RNF212: variants seen among roughly 807,000 people sequenced by gnomAD.
RNF212 encodes the protein probable E3 SUMO-protein ligase RNF212.
In RNF212, 33 loss-of-function variants were observed where a neutral mutation model predicts 34.7. That is an observed-to-expected ratio of 0.95 (90% confidence interval 0.72 to 1.27). The LOEUF (loss-of-function observed/expected upper bound fraction) is 1.27, where lower values mean the gene tolerates loss of function less well. Among genes scored for constraint, RNF212 ranks in the 50% most tolerant of loss-of-function variants. RNF212 has a pLI of 0.00. For synonymous variants in RNF212, 140 were observed against 136.1 expected, an observed-to-expected ratio of 1.03 and a Z score of -0.20; for missense variants, 377 against 362.2, an observed-to-expected ratio of 1.04 and a Z score of -0.33.
chr4:1,105,316 G>A (rs1724639877), intron 2 of RNF212, among the ~76,000 whole-genome samples: 1 of 152,134 alleles, frequency 6.6e-6, no homozygotes, highest in African/African-American at 2.4e-5. Flanking sequence ...CTTCCTGGCG[G>A]CCCAGCCACC....
chr4:1,109,220 C>A (rs1577842400), intron 1 of RNF212, among the ~76,000 whole-genome samples: 2 of 152,268 alleles, frequency 1.3e-5, no homozygotes, highest in African/African-American at 4.8e-5. Flanking sequence ...GTTGGCCAGG[C>A]TGGTCTTGAA....
chr4:1,058,005 G>A (rs965291714), intron 4 of RNF212, among the ~76,000 whole-genome samples: 4 of 151,724 alleles, frequency 2.6e-5, no homozygotes, highest in African/African-American at 9.7e-5. Flanking sequence ...AGGTTGCGGT[G>A]AGCCAAGATG....
chr4:1,073,483 G>A, intron 9 of RNF212, 116 bp downstream of exon 9: 1 of 850,690 alleles, frequency 1.2e-6, no homozygotes, highest in Non-Finnish European at 1.9e-6. Context: ...TGCACCGGGT[G>A]GAAGGACAGC....
chr4:1,072,784 G>A lies in RNF212; in HGVS notation c.*90C>T. On this transcript the variant is annotated 3_prime_UTR_variant, in exon 10 of 10. Coordinates refer to ENST00000433731, the MANE Select transcript of RNF212 (RefSeq NM_001131034.4). ...GCACACTGAGGGCTTCCACATAAAT[G>A]ACAAAGGAATAAAGCAGATAATTTG... 1 of 1,466,724 alleles carries A rather than the reference G, an allele frequency of 6.8e-7. No individual in the cohort carries two copies. The allele number at this position is 1,466,724 out of a possible 1,614,324, so 90.9% of individuals were successfully genotyped here.
At chr4:1,080,321 T>C (rs1179723858) in intron 7 of RNF212, among the ~76,000 whole-genome samples, 1 of 152,102 alleles carries the variant, frequency 6.6e-6, no homozygotes, top group Non-Finnish European at 1.5e-5. Context: ...GAATTCTAAT[T>C]TTAGGTGGCC....
rs113406672 is a variant in RNF212, at chr4:1,094,631, G to A, written c.246+2134C>T. Among the ~76,000 whole-genome samples, 285 of 152,310 alleles carry A rather than the reference G, an allele frequency of 1.9e-3. 2 individuals are homozygous for A. The highest frequency in any genetic ancestry group is 0.014 in the Middle Eastern group (4 of 294). On this transcript the variant is annotated intron_variant, in intron 3 of 9. Coordinates refer to ENST00000433731, the MANE Select transcript of RNF212 (RefSeq NM_001131034.4). ...CAGCAGGGGCTCAGCTGCCAGAAGGGGGGCCCACGGAGCCAGCATTGCCAT... is the reference window on the plus strand; with the variant it reads ...CAGCAGGGGCTCAGCTGCCAGAAGGAGGGCCCACGGAGCCAGCATTGCCAT...
At chr4:1,099,179 G>A (rs1723533347) in intron 2 of RNF212, among the ~76,000 whole-genome samples, 1 of 152,214 alleles carries the variant, frequency 6.6e-6, no homozygotes, top group Non-Finnish European at 1.5e-5. Context: ...CCGGCGATAA[G>A]CCAGGTGCCG....
At chr4:1,060,302 G>A (rs1717667520) in intron 3 of RNF212, among the ~76,000 whole-genome samples, 1 of 152,234 alleles carries the variant, frequency 6.6e-6, no homozygotes, top group African/African-American at 2.4e-5. Context: ...AGCCCGCTGT[G>A]TGTCCCACAG....
At chr4:1,109,281 T>C (rs1233118405) in intron 1 of RNF212, among the ~76,000 whole-genome samples, 1 of 152,246 alleles carries the variant, frequency 6.6e-6, no homozygotes, top group African/African-American at 2.4e-5. Flanking sequence ...GTGCTGGGAT[T>C]ATAGGCATGA....
chr4:1,072,807 T>C lies in RNF212; in HGVS notation c.*67A>G. On this transcript the variant is annotated 3_prime_UTR_variant, in exon 10 of 10. Coordinates refer to ENST00000433731, the MANE Select transcript of RNF212 (RefSeq NM_001131034.4). ...ATGACAAAGGAATAAAGCAGATAAT[T>C]TGTAGAAAAAACACAGAGGAATAAA... is the stretch of plus-strand genomic sequence containing the variant. The C allele has an allele frequency of 6.7e-7, 1 of 1,493,370 alleles. No homozygotes were observed. Among genetic ancestry groups the C allele is most frequent in the Non-Finnish European group, 8.9e-7 (1 of 1,117,854 alleles). The allele number at this position is 1,493,370 out of a possible 1,614,324, so 92.5% of individuals were successfully genotyped here.
At position 1,072,766 on chromosome 4, in the gene RNF212, G is replaced by A; in HGVS notation, c.*108C>T. 1 of 1,456,744 alleles carries A rather than the reference G, an allele frequency of 6.9e-7. No individual in the cohort carries two copies. Among genetic ancestry groups the A allele is most frequent in the East Asian group, 2.5e-5 (1 of 40,240 alleles). The allele number at this position is 1,456,744 out of a possible 1,614,324, so 90.2% of individuals were successfully genotyped here. A position where few individuals can be genotyped will look rare whatever the true frequency, so the allele number is the denominator to read the frequency against. On this transcript the variant is annotated 3_prime_UTR_variant, in exon 10 of 10. Coordinates refer to ENST00000433731, the MANE Select transcript of RNF212 (RefSeq NM_001131034.4). The stretch of plus-strand genomic sequence containing the variant: ...GTAAAAGGTTAATATCCTGCACACT[G>A]AGGGCTTCCACATAAATGACAAAGG...
At chr4:1,104,328 T>C (rs1257955469) in intron 2 of RNF212, among the ~76,000 whole-genome samples, 1 of 152,210 alleles carries the variant, frequency 6.6e-6, no homozygotes, top group East Asian at 1.9e-4. Context: ...GTGGGGACAC[T>C]TGTTTCTTGC....
chr4:1,108,428 T>A, intron 1 of RNF212, 24 bp from the exon 2 acceptor site: 16 of 1,306,154 alleles, frequency 1.2e-5, no homozygotes, highest in Non-Finnish European at 1.6e-5. Context: ...ATAGGCTTTA[T>A]TATATTAGAC....
At chr4:1,080,849 C>T (rs1024448035) in intron 7 of RNF212, among the ~76,000 whole-genome samples, 1 of 152,230 alleles carries the variant, frequency 6.6e-6, no homozygotes, top group Non-Finnish European at 1.5e-5. Flanking sequence ...GAGCTAGGAG[C>T]TACCCCAGGC....
rs1195191474 is a variant in RNF212, at chr4:1,081,412, C to T, written c.464+7G>A. 1.2e-6 allele frequency: 2 copies of T among 1,613,448 alleles called. No individual in the cohort carries two copies. The highest frequency in any genetic ancestry group is 2.2e-5 in the East Asian group (1 of 44,870). On this transcript the variant is annotated splice_region_variant and intron_variant, in intron 7 of 9. Coordinates refer to ENST00000433731, the MANE Select transcript of RNF212 (RefSeq NM_001131034.4). ...GGTCCTGTGATTTCTGCAAGCAACCCACACACCTGTCGGGGGCTGATGAGT... is the reference window on the plus strand; with the variant it reads ...GGTCCTGTGATTTCTGCAAGCAACCTACACACCTGTCGGGGGCTGATGAGT...
intron 7 of RNF212, among the ~76,000 whole-genome samples, chr4:1,080,232 C>T (rs555202549): frequency 1.3e-5 from 2 of 152,292 alleles, no homozygotes; most frequent in East Asian, 1.9e-4. Flanking sequence ...GTGATCTCTG[C>T]GGAAAGAGGC....
At chr4:1,082,224 C>T (rs937736126) in intron 5 of RNF212, among the ~76,000 whole-genome samples, 4 of 152,174 alleles carry the variant, frequency 2.6e-5, no homozygotes, top group African/African-American at 9.7e-5. Context: ...GTCACGTTTT[C>T]CAGTCTAGCA....
chr4:1,075,747 C>T (rs1719191347), intron 8 of RNF212, among the ~76,000 whole-genome samples: 1 of 152,186 alleles, frequency 6.6e-6, no homozygotes, highest in African/African-American at 2.4e-5. Flanking sequence ...AGTCACTCAC[C>T]TCACTGCAGC....
chr4:1,087,944 C>T (rs1169827189), intron 4 of RNF212, among the ~76,000 whole-genome samples: 1 of 152,116 alleles, frequency 6.6e-6, no homozygotes, highest in Non-Finnish European at 1.5e-5. Flanking sequence ...AATTAAACCC[C>T]TTTCCTTTAT....
Sources: gnomAD v4.1 joint callset for allele counts (sites outside exome capture counted in the v4.1 genomes callset) on GRCh38, gnomAD v4.1.1 for gene constraint, MANE v1.5 for transcripts, NCBI Gene and HGNC (gene_info 2026-07-23, HGNC 2026-07-21) for gene names.